EXTL3: variants seen among roughly 807,000 people sequenced by gnomAD.
The protein encoded by EXTL3 is exostosin-like 3.
A neutral mutation model predicts 69.3 loss-of-function variants in EXTL3; 27 were observed. That is an observed-to-expected ratio of 0.39 (90% CI 0.29 to 0.54). EXTL3 has a LOEUF of 0.54. EXTL3 is among the 20% of genes least tolerant of loss of function. EXTL3 has a pLI of 0.69. For synonymous variants in EXTL3, 511 were observed against 499.4 expected (o/e 1.02, Z -0.31); for missense variants, 1,003 against 1,231.8 (o/e 0.81, Z 2.78).
intron 2 of EXTL3, among the ~76,000 whole-genome samples, chr8:28,607,940 G>T (rs1047523853): frequency 6.6e-6 from 1 of 151,170 alleles, no homozygotes; most frequent in South Asian, 2.1e-4. Flanking sequence ...ATGAAACCCC[G>T]TCTCTACTAA....
chr8:28,625,292 C>T (rs1032901292), intron 1 of EXTL3, among the ~76,000 whole-genome samples: 3 of 152,134 alleles, frequency 2.0e-5, no homozygotes, highest in African/African-American at 7.2e-5. Context: ...TTCTTAGACA[C>T]TGATGAAACA....
rs116944428 is a variant in EXTL3, at chr8:28,709,304, A to G, written c.-569-4153A>G. Among the ~76,000 whole-genome samples the G allele has an allele frequency of 1.8e-3, 276 of 150,320 alleles. 6 individuals are homozygous for G. In the East Asian group the frequency reaches 0.042, roughly 23 times the overall value. ...TATGGTAATAGGTTTAACCCGGCAT[A>G]CAGTAAGCATTCAATACCTGTTAGC... is the stretch of plus-strand genomic sequence containing the variant. On this transcript the variant is annotated intron_variant, in intron 1 of 6. Transcript: ENST00000220562.
intron 1 of EXTL3, among the ~76,000 whole-genome samples, chr8:28,641,099 G>C (rs747354467): frequency 9.9e-5 from 15 of 152,152 alleles, no homozygotes; most frequent in African/African-American, 3.4e-4. Context: ...TGTGCTCCAC[G>C]GGTCGGGTTA....
intron 1 of EXTL3, among the ~76,000 whole-genome samples, chr8:28,692,038 T>C (rs1259136597): frequency 6.6e-6 from 1 of 152,220 alleles, no homozygotes; most frequent in East Asian, 1.9e-4. Context: ...AGTTAACACA[T>C]TTCACAGATA....
intron 3 of EXTL3, among the ~76,000 whole-genome samples, chr8:28,725,246 G>A (rs1801389071): frequency 6.6e-6 from 1 of 152,084 alleles, no homozygotes; most frequent in South Asian, 2.1e-4. Context: ...TCCAGGCCAC[G>A]ATTGCTGTCC....
chr8:28,706,764 G>A (rs1041017337), intron 1 of EXTL3, among the ~76,000 whole-genome samples: 6 of 151,664 alleles, frequency 4.0e-5, no homozygotes, highest in South Asian at 2.1e-4. Context: ...ATTTATGTCC[G>A]TTGACCACTG....
chr8:28,734,932 A>G (rs1397240633), intron 4 of EXTL3, among the ~76,000 whole-genome samples: 1 of 152,220 alleles, frequency 6.6e-6, no homozygotes, highest in Non-Finnish European at 1.5e-5. Flanking sequence ...TCTTAAATCC[A>G]TCTGTAAAGA....
chr8:28,731,990 C>T (rs762319500), intron 4 of EXTL3, among the ~76,000 whole-genome samples: 4 of 152,164 alleles, frequency 2.6e-5, no homozygotes, highest in Non-Finnish European at 4.4e-5. Flanking sequence ...AATTTGATGA[C>T]ATAAATTGTA....
chr8:28,721,669 G>A (rs575274263), intron 3 of EXTL3, among the ~76,000 whole-genome samples: 8 of 152,160 alleles, frequency 5.3e-5, no homozygotes, highest in Non-Finnish European at 8.8e-5. Context: ...GTCTGGCAGG[G>A]GCTTACTGAA....
chr8:28,671,213 C>A (rs547654075), intron 1 of EXTL3, among the ~76,000 whole-genome samples: 1 of 151,772 alleles, frequency 6.6e-6, no homozygotes, highest in Non-Finnish European at 1.5e-5. Context: ...AACTCCTGAC[C>A]TCAGGTGATA....
At chr8:28,686,075 A>T (rs1348397777) in intron 1 of EXTL3, 7 of 152,112 alleles carry the variant, frequency 4.6e-5, no homozygotes, top group Admixed American at 4.6e-4. Flanking sequence ...CATGTTTTTC[A>T]GGTTGGTCTC....
At chr8:28,624,712 A>G (rs1162566284) in intron 1 of EXTL3, among the ~76,000 whole-genome samples, 2 of 152,192 alleles carry the variant, frequency 1.3e-5, no homozygotes, top group African/African-American at 4.8e-5. Context: ...AAATCTAGTT[A>G]TTAATAGTCA....
At chr8:28,747,895 A>AT (rs1801923267) in intron 6 of EXTL3, among the ~76,000 whole-genome samples, 1 of 151,834 alleles carries the variant, frequency 6.6e-6, no homozygotes, top group Non-Finnish European at 1.5e-5. Flanking sequence ...TGCCCAGCTA[A>AT]TTTTTTTGTA....
intron 1 of EXTL3, among the ~76,000 whole-genome samples, chr8:28,670,380 T>C (rs928826310): frequency 1.3e-5 from 2 of 151,896 alleles, no homozygotes; most frequent in Non-Finnish European, 2.9e-5. Context: ...AGTATGTGAG[T>C]GTATAAAGAT....
In EXTL3 at chr8:28,737,671, AAAGCTGGT is replaced by A; in HGVS notation, c.2421+11_2421+18del. The A allele has an allele frequency of 6.2e-7, 1 of 1,614,134 alleles. No homozygotes were observed. The highest frequency in any genetic ancestry group is 8.5e-7 in the Non-Finnish European group (1 of 1,179,952). ...GCTGCCTTCTTTCACAAGGTAAGAAAAAGCTGGTAATAATGGCATCGACTTGGTGAGAG... is the reference window on the plus strand; with the variant it reads ...GCTGCCTTCTTTCACAAGGTAAGAAAAATAATGGCATCGACTTGGTGAGAG... On this transcript the variant is annotated intron_variant, in intron 5 of 6. Transcript: ENST00000220562.
chr8:28,661,528 AAC>A (rs1176725367), intron 1 of EXTL3, among the ~76,000 whole-genome samples: 3 of 152,144 alleles, frequency 2.0e-5, no homozygotes, highest in Admixed American at 6.6e-5. Context: ...GGCGTATATA[AAC>A]ACACATATAT....
intron 1 of EXTL3, among the ~76,000 whole-genome samples, chr8:28,638,436 A>C (rs1806689393): frequency 6.6e-6 from 1 of 152,188 alleles, no homozygotes; most frequent in African/African-American, 2.4e-5. Flanking sequence ...TAAGGTCGTC[A>C]TGCTCAGCCT....
At chr8:28,661,632 C>T (rs1319264723) in intron 1 of EXTL3, among the ~76,000 whole-genome samples, 1 of 151,816 alleles carries the variant, frequency 6.6e-6, no homozygotes, top group Non-Finnish European at 1.5e-5. Context: ...GTAATCCCAG[C>T]ACTTTGGGAG....
intron 1 of EXTL3, among the ~76,000 whole-genome samples, chr8:28,683,591 G>A (rs761201981): frequency 3.9e-5 from 6 of 152,156 alleles, no homozygotes; most frequent in Non-Finnish European, 8.8e-5. Context: ...GAGGCAGGTG[G>A]ATCACAAGGT....
Sources: gnomAD v4.1 joint callset for allele counts (sites outside exome capture counted in the v4.1 genomes callset) on GRCh38, gnomAD v4.1.1 for gene constraint, MANE v1.5 for transcripts, NCBI Gene and HGNC (gene_info 2026-07-23, HGNC 2026-07-21) for gene names.